BBC3: variants seen among roughly 807,000 people sequenced by gnomAD.
BBC3 encodes the protein BCL2 binding component 3.
BBC3 carries 5 observed loss-of-function variants against 18.2 expected under a neutral mutation model. The observed-to-expected ratio is 0.27, with a 90% CI of 0.14 to 0.58. The LOEUF is 0.58. Ranked by LOEUF, BBC3 falls within the 20% of genes least tolerant of loss-of-function variation. The pLI, the probability that BBC3 is intolerant of heterozygous loss-of-function variation, is 0.91. For missense variants in BBC3, 224 were observed against 268.9 expected (o/e 0.83, Z 1.17); for synonymous variants, 119 against 128.0 (o/e 0.93, Z 0.47).
Position 47,231,118 on chromosome 19 carries a change from G to T in BBC3, c.-205C>A, listed in dbSNP as rs2058908921. On this transcript the variant is annotated 5_prime_UTR_variant, in exon 1 of 4. Transcript: ENST00000439096. This position sits in a 1 kb window ranked among gnomAD's most constrained non-coding sequence, Gnocchi z 4.0. ...TGCTCCCCGGGCCGCAGGCGCGTCC[G>T]CGTCGTGGCCGCTGCTGGGATCGCT... 2 of 979,888 alleles carry T rather than the reference G, an allele frequency of 2.0e-6. No homozygotes were observed. Among genetic ancestry groups the T allele is most frequent in the Non-Finnish European group, 2.4e-6 (2 of 824,558 alleles). 60.7% of individuals were successfully genotyped at this position (979,888 alleles called of 1,614,324 possible). A position where few individuals can be genotyped will look rare whatever the true frequency, so the allele number is the denominator to read the frequency against.
intron 2 of BBC3, 71 bp from the exon 3 acceptor site, chr19:47,226,825 CCT>C (rs745877020): frequency 2.4e-4 from 304 of 1,273,328 alleles, no homozygotes; most frequent in Non-Finnish European, 3.0e-4. Flanking sequence ...GGCCTGCTCC[CCT>C]CTTTCCCAGC....
At chr19:47,227,838 C>T (rs757393558) in intron 2 of BBC3, among the ~76,000 whole-genome samples, 16 of 152,194 alleles carry the variant, frequency 1.1e-4, no homozygotes, top group Non-Finnish European at 1.8e-4. Context: ...AACAGGAATC[C>T]TCCAGGGGGT....
upstream of BBC3, chr19:47,231,275 C>T: frequency 1.2e-6 from 1 of 848,622 alleles, no homozygotes; most frequent in Non-Finnish European, 1.4e-6. The surrounding 1 kb of genome is among the most constrained non-coding windows in gnomAD (Gnocchi z 4.0). Flanking sequence ...CGGCGGGTCC[C>T]ACGCCCCGCC....
At chr19:47,222,005 C>G in intron 3 of BBC3, 87 bp from the exon 4 acceptor site, 1 of 1,248,554 alleles carries the variant, frequency 8.0e-7, no homozygotes, top group Non-Finnish European at 1.1e-6. Flanking sequence ...GGCAGCGAGG[C>G]GACAGTCTCG....
chr19:47,227,871 G>A (rs1296228255), intron 2 of BBC3, among the ~76,000 whole-genome samples: 1 of 152,188 alleles, frequency 6.6e-6, no homozygotes, highest in Non-Finnish European at 1.5e-5. Flanking sequence ...GACTGGGGGA[G>A]GGGAGCTGGG....
intron 3 of BBC3, among the ~76,000 whole-genome samples, chr19:47,225,398 C>A (rs2058802534): frequency 6.6e-6 from 1 of 151,466 alleles, no homozygotes; most frequent in Non-Finnish European, 1.5e-5. Flanking sequence ...TGCTCTGTCC[C>A]CCAGGCTGGA....
intron 3 of BBC3, 135 bp downstream of exon 3, chr19:47,226,429 T>TCC: frequency 4.7e-6 from 1 of 212,194 alleles, no homozygotes; most frequent in South Asian, 4.3e-5. Context: ...CCCACCCACT[T>TCC]ACCCCCCACC....
intron 3 of BBC3, 121 bp downstream of exon 3, chr19:47,226,443 C>G: frequency 1.2e-6 from 1 of 805,070 alleles, no homozygotes; most frequent in Non-Finnish European, 1.7e-6. Context: ...CCCCACCTGC[C>G]TGTCCGCGGA....
chr19:47,227,117 T>G (rs981602249), intron 2 of BBC3: 1 of 179,702 alleles, frequency 5.6e-6, no homozygotes, highest in Non-Finnish European at 1.2e-5. Context: ...CCTTAGGGAG[T>G]ATCCCAAGGT....
At position 47,221,736 on chromosome 19, in the gene BBC3, G is replaced by A; in HGVS notation, c.*66C>T. On this transcript the variant is annotated 3_prime_UTR_variant, in exon 4 of 4. Transcript: ENST00000439096. ...CAGAGAAAGTCCCCCGCGCTGGCCAGGGTGTCAGGAGGTGGGAGGGGCCTG... is the reference window on the plus strand; with the variant it reads ...CAGAGAAAGTCCCCCGCGCTGGCCAAGGTGTCAGGAGGTGGGAGGGGCCTG... 1.2e-6 allele frequency: 2 copies of A among 1,603,358 alleles called. No homozygotes were observed. Among genetic ancestry groups the A allele is most frequent in the Non-Finnish European group, 1.7e-6 (2 of 1,177,182 alleles).
Position 47,224,067 on chromosome 19 carries a change from G to A in BBC3, c.466-2149C>T, listed in dbSNP as rs901749399. ...CCCAGCACTTTGGGAGGCCGAGGTG[G>A]GTGGATCACCTGAGGTCGGGAATTC... On this transcript the variant is annotated intron_variant, in intron 3 of 3. Transcript: ENST00000439096. Among the ~76,000 whole-genome samples the A allele has an allele frequency of 2.6e-5, 4 of 152,146 alleles. No individual in the cohort carries two copies. In the East Asian group the frequency reaches 5.8e-4, roughly 22 times the overall value.
chr19:47,222,128 A>G (rs781007589), intron 3 of BBC3: 23 of 519,882 alleles, frequency 4.4e-5, no homozygotes, highest in Non-Finnish European at 6.7e-5. Context: ...GAATGCCTTC[A>G]GCAGAGAGCT....
chr19:47,231,571 G>A (rs1198383720), upstream of BBC3, among the ~76,000 whole-genome samples: 1 of 152,158 alleles, frequency 6.6e-6, no homozygotes, highest in African/African-American at 2.4e-5. This position sits in a 1 kb window ranked among gnomAD's most constrained non-coding sequence, Gnocchi z 4.0. Context: ...ACAAAGTCAC[G>A]TGCAGGCAGA....
At chr19:47,222,635 G>C (rs1040443984) in intron 3 of BBC3, 5 of 152,202 alleles carry the variant, frequency 3.3e-5, no homozygotes, top group Non-Finnish European at 2.9e-5. Flanking sequence ...TCAGGAGTTT[G>C]AGACCAGTGT....
In BBC3 at chr19:47,230,383, C is replaced by G. The variant is rs1391558272; in HGVS notation, c.-16+546G>C. Reference sequence around the variant, plus strand: ...GCGCTCCCACGGCGGTCCCAGACACCCCCCTCCGCTGTCACAGCCCCCCCC... The same window carrying G: ...GCGCTCCCACGGCGGTCCCAGACACGCCCCTCCGCTGTCACAGCCCCCCCC... On this transcript the variant is annotated intron_variant, in intron 1 of 3. Coordinates refer to ENST00000439096, the MANE Select transcript of BBC3 (RefSeq NM_014417.5). The surrounding 1 kb of genome is among the most constrained non-coding windows in gnomAD (Gnocchi z 6.7). Among the ~76,000 whole-genome samples the G allele has an allele frequency of 2.0e-5, 3 of 151,534 alleles. No individual in the cohort carries two copies. The highest frequency in any genetic ancestry group is 4.4e-5 in the Non-Finnish European group (3 of 67,584).
At chr19:47,224,968 A>G (rs986009591) in intron 3 of BBC3, among the ~76,000 whole-genome samples, 2 of 151,488 alleles carry the variant, frequency 1.3e-5, no homozygotes, top group Admixed American at 1.3e-4. Context: ...CTGGAGTGCA[A>G]TGGCACGATC....
At chr19:47,224,052 T>A (rs1193175582) in intron 3 of BBC3, among the ~76,000 whole-genome samples, 5 of 152,160 alleles carry the variant, frequency 3.3e-5, no homozygotes, top group African/African-American at 1.2e-4. Flanking sequence ...CCCAGCACTT[T>A]GGGAGGCCGA....
intron 2 of BBC3, among the ~76,000 whole-genome samples, chr19:47,227,537 G>T (rs1339146348): frequency 2.0e-5 from 3 of 152,108 alleles, no homozygotes; most frequent in African/African-American, 7.2e-5. Context: ...ATGGGGGATG[G>T]GAAACCAGGA....
chr19:47,231,271 G>GT (rs1043173849), upstream of BBC3: 104 of 883,648 alleles, frequency 1.2e-4, no homozygotes, highest in Middle Eastern at 1.1e-3. The surrounding 1 kb of genome is among the most constrained non-coding windows in gnomAD (Gnocchi z 4.0). Context: ...CGCCCGGCGG[G>GT]TCCCACGCCC....
Sources: allele counts gnomAD v4.1 joint callset (sites outside exome capture counted in the v4.1 genomes callset), GRCh38; gene constraint gnomAD v4.1.1; non-coding constraint Gnocchi (gnomAD v3.1); transcripts MANE v1.5; gene names NCBI Gene and HGNC (gene_info 2026-07-23, HGNC 2026-07-21).